The following LONP1 variants were observed in gnomAD, a reference collection of about 807,000 sequenced individuals.
LONP1 encodes lon protease homolog, mitochondrial.
In LONP1, 31 loss-of-function variants were observed where a neutral mutation model predicts 98.5. The observed-to-expected ratio is 0.31, with a 90% CI of 0.24 to 0.42. LONP1 has a LOEUF of 0.42. Ranked by LOEUF, LONP1 falls within the 20% of genes least tolerant of loss-of-function variation. The pLI is 1.00. For missense variants in LONP1, 1,336 were observed against 1,350.6 expected, an observed-to-expected ratio of 0.99 and a Z score of 0.17; for synonymous variants, 781 against 594.7, an observed-to-expected ratio of 1.31 and a Z score of -4.56.
chr19:5,704,016 T>A (rs2055103522), intron 8 of LONP1, among the ~76,000 whole-genome samples: 1 of 152,142 alleles, frequency 6.6e-6, no homozygotes, highest in Admixed American at 6.5e-5. Flanking sequence ...CACAGGCCTC[T>A]CACATGGCAG....
At chr19:5,709,192 T>G (rs2055197409) in intron 4 of LONP1, among the ~76,000 whole-genome samples, 1 of 145,538 alleles carries the variant, frequency 6.9e-6, no homozygotes, top group Non-Finnish European at 1.5e-5. Flanking sequence ...AACCAAATTT[T>G]AATCACCTGG....
At chr19:5,694,322 G>A (rs1304028916) in intron 15 of LONP1, 65 bp downstream of exon 15, 1 of 1,591,138 alleles carries the variant, frequency 6.3e-7, no homozygotes, top group Non-Finnish European at 8.6e-7. Flanking sequence ...GTACAAGGTG[G>A]GACCTGCTTG....
chr19:5,694,589 T>G (rs2054890315), intron 14 of LONP1, 37 bp from the exon 15 acceptor site: 7 of 1,529,264 alleles, frequency 4.6e-6, no homozygotes, highest in African/African-American at 2.9e-5. Flanking sequence ...CACGGGAAGG[T>G]GGGGTGACAG....
chr19:5,706,620 C>G (rs575738743), intron 7 of LONP1, among the ~76,000 whole-genome samples: 10 of 152,170 alleles, frequency 6.6e-5, no homozygotes, highest in Admixed American at 5.9e-4. Flanking sequence ...GTAAAAAATT[C>G]TGAAAAATGC....
Position 5,719,866 on chromosome 19 carries a change from G to A in LONP1, c.267C>T (p.Gly89=), listed in dbSNP as rs2055403856. The A allele has an allele frequency of 6.3e-7, 1 of 1,594,604 alleles. No individual in the cohort carries two copies. Among genetic ancestry groups the A allele is most frequent in the Non-Finnish European group, 8.5e-7 (1 of 1,171,146 alleles). Reference sequence around the variant, plus strand: ...CCGCGCCGCCGGCTCCTTCCTCCGCGCCGCCCTCGGAGGCGTCCTCGCCCC... The same window carrying A: ...CCGCGCCGCCGGCTCCTTCCTCCGCACCGCCCTCGGAGGCGTCCTCGCCCC... ...FSGGEDASEG[G]AEEGAGGAGG... is the part of the protein sequence containing the mutation. The change falls in exon 1 of 18, where the codon GGC becomes GGT. Residue 89 remains glycine (G), a synonymous_variant. Transcript: ENST00000360614.
chr19:5,696,950 C>T (rs1010461769), intron 10 of LONP1, among the ~76,000 whole-genome samples, 193 bp from the exon 11 acceptor site: 2 of 152,184 alleles, frequency 1.3e-5, no homozygotes, highest in African/African-American at 4.8e-5. Flanking sequence ...TGCCCTGACT[C>T]GCCAGCTCAG....
rs545739674 is a variant in LONP1, at chr19:5,701,505, A to AT, written c.1368-579dup. Among the ~76,000 whole-genome samples the AT allele has an allele frequency of 2.1e-3, 311 of 151,084 alleles. 1 individual carries two copies. Among genetic ancestry groups the AT allele is most frequent in the Non-Finnish European group, 3.0e-3 (206 of 67,778 alleles). On this transcript the variant is annotated intron_variant, in intron 8 of 17. Transcript: ENST00000360614. ...GCCGCCACGCCTGACTGGTTTTCCT[A>AT]TTTTTTTGGTGGAGACGGGGTTTCA...
At chr19:5,693,246 C>T (rs908914365) in intron 17 of LONP1, 52 bp downstream of exon 17, 26 of 1,565,998 alleles carry the variant, frequency 1.7e-5, no homozygotes, top group Admixed American at 1.4e-4. Context: ...GGGCCTGTCC[C>T]GTGGTGGTGT....
Position 5,705,868 on chromosome 19 carries a change from C to A in LONP1, c.1271G>T (p.Arg424Leu), listed in dbSNP as rs748335411. 5.0e-6 allele frequency: 8 copies of A among 1,614,000 alleles called. No individual in the cohort carries two copies. The Admixed American group carries it at 5.0e-5, about 10-fold the overall frequency. ...KDAIEEKFRE[R>L]LKELVVPKHV... ...CTTGGGGACCACGAGCTCCTTCAGG[C>A]GCTCCCGGAACTTCTCCTCGATGGC... Residue 424 changes from arginine (R) to leucine (L), a missense_variant, in exon 8 of 18, where the codon CGC (arginine) becomes CTC (leucine). Around this residue, in one of 5 missense-constraint regions of LONP1, gnomAD observed 219 missense variants for 241.0 expected, o/e 0.91. Transcript: ENST00000360614.
At chr19:5,706,514 G>A (rs1568322266) in intron 7 of LONP1, among the ~76,000 whole-genome samples, 1 of 152,086 alleles carries the variant, frequency 6.6e-6, no homozygotes. Flanking sequence ...GGCTGAGGTG[G>A]GAGGATCACT....
intron 8 of LONP1, among the ~76,000 whole-genome samples, chr19:5,702,752 T>C (rs973097839): frequency 6.6e-6 from 1 of 151,778 alleles, no homozygotes; most frequent in African/African-American, 2.4e-5. Context: ...ATGTGCTGTG[T>C]CCACTCAGGG....
In LONP1 at chr19:5,691,954, C is replaced by G. The variant is rs767192693; in HGVS notation, c.*78G>C. 7 of 887,460 alleles carry G rather than the reference C, an allele frequency of 7.9e-6. No individual in the cohort carries two copies. In the South Asian group the frequency reaches 1.3e-4, roughly 17 times the overall value. 55.0% of individuals were successfully genotyped at this position (887,460 alleles called of 1,614,324 possible). A position where few individuals can be genotyped will look rare whatever the true frequency, so the allele number is the denominator to read the frequency against. On this transcript the variant is annotated 3_prime_UTR_variant, in exon 18 of 18. Transcript: ENST00000360614. Reference sequence around the variant, plus strand: ...TCGCTCGGTGGCTCCACTGCCAGGTCCGGGCGCGCTCCCCACAGCGCTCAG... The same window carrying G: ...TCGCTCGGTGGCTCCACTGCCAGGTGCGGGCGCGCTCCCCACAGCGCTCAG...
rs11551019 is a variant in LONP1 at position 5,691,922 on chromosome 19, G to C, written c.*110C>G. On this transcript the variant is annotated 3_prime_UTR_variant, in exon 18 of 18. Transcript: ENST00000360614. ...TCCCTGGGATCTGGGTCACTGGACC[G>C]AGCTGCTCGCTCGGTGGCTCCACTG... The C allele has an allele frequency of 1.6e-6, 2 of 1,285,742 alleles. No homozygotes were observed. Among genetic ancestry groups the C allele is most frequent in the Non-Finnish European group, 2.1e-6 (2 of 934,182 alleles). 79.6% of individuals were successfully genotyped at this position (1,285,742 alleles called of 1,614,324 possible).
chr19:5,697,595 A>G (rs1258777040), intron 10 of LONP1, among the ~76,000 whole-genome samples: 1 of 52,414 alleles, frequency 1.9e-5, no homozygotes, highest in Non-Finnish European at 3.6e-5. Context: ...AGAGAGGGAG[A>G]GAGAGGAGGG....
At position 5,696,402 on chromosome 19, in the gene LONP1, C is replaced by T. The variant is rs184937446; in HGVS notation, c.1774-31G>A. The T allele has an allele frequency of 3.3e-4, 532 of 1,606,842 alleles. 2 individuals are homozygous for T. The African/African-American group carries it at 6.1e-3, about 18-fold the overall frequency. On this transcript the variant is annotated intron_variant, in intron 11 of 17. Transcript: ENST00000360614. ...GCAGCAGACAGCAGGTGGTGCCCCT[C>T]GCCGTGCCCCTGGCCAGCCCGCCCA...
rs2055027607 is a variant in LONP1 at position 5,700,846 on chromosome 19, T to TGCCCGC, written c.1443_1448dup (p.Arg482_Ala483dup). ...AGTGGTCTTCCTCCAGCACTGCCTG[T>TGCCCGC]GCCCGCGCCAGGTCCAGGTTCTCGT... On this transcript the variant is annotated inframe_insertion, in exon 9 of 18. Transcript: ENST00000360614. The TGCCCGC allele has an allele frequency of 6.2e-7, 1 of 1,614,076 alleles. No homozygotes were observed. Among genetic ancestry groups the TGCCCGC allele is most frequent in the South Asian group, 1.1e-5 (1 of 91,086 alleles).
rs1331409168 is a variant in LONP1 at position 5,719,643 on chromosome 19, C to G, written c.429+61G>C. On this transcript the variant is annotated intron_variant, in intron 1 of 17. Transcript: ENST00000360614. Reference sequence around the variant, plus strand: ...ACACAAGGGCGCTCAAGTGATCCCACGGTTCAGCCCGCTGCTTGCACAGGT... The same window carrying G: ...ACACAAGGGCGCTCAAGTGATCCCAGGGTTCAGCCCGCTGCTTGCACAGGT... 1.9e-6 allele frequency: 3 copies of G among 1,611,618 alleles called. No individual in the cohort carries two copies. The South Asian group carries it at 3.3e-5, about 18-fold the overall frequency.
intron 7 of LONP1, 146 bp downstream of exon 7, chr19:5,706,914 C>T: frequency 1.5e-6 from 1 of 651,212 alleles, no homozygotes; most frequent in South Asian, 1.7e-5. Context: ...CAGATGATGG[C>T]ACGAAGCCCT....
chr19:5,706,537 G>GT, intron 7 of LONP1, among the ~76,000 whole-genome samples: 1 of 152,188 alleles, frequency 6.6e-6, no homozygotes, highest in South Asian at 2.1e-4. Context: ...AGCCCTGGAG[G>GT]TGGAGGCTGT....
Sources: allele counts gnomAD v4.1 joint callset (sites outside exome capture counted in the v4.1 genomes callset), GRCh38; gene constraint gnomAD v4.1.1; regional missense constraint gnomAD v4.1.1; transcripts MANE v1.5; gene names NCBI Gene and HGNC (gene_info 2026-07-23, HGNC 2026-07-21).